ME3: variants seen among roughly 807,000 people sequenced by gnomAD.
ME3 encodes the protein malic enzyme 3.
A neutral mutation model predicts 68.9 loss-of-function variants in ME3; 48 were observed. The observed-to-expected ratio is 0.70, with a 90% confidence interval of 0.55 to 0.89. The LOEUF is 0.89. Ranked by LOEUF, ME3 falls within the 40% of genes least tolerant of loss-of-function variation. The probability of loss-of-function intolerance (pLI) is 0.00; values close to 1 mark genes in which losing one functional copy is unlikely to be tolerated. For synonymous variants in ME3, 320 were observed against 318.8 expected, an observed-to-expected ratio of 1.00 and a Z score of -0.04; for missense variants, 675 against 797.4, an observed-to-expected ratio of 0.85 and a Z score of 1.85.
At chr11:86,534,081 G>GTGTGTATATA (rs1361825219) in intron 4 of ME3, among the ~76,000 whole-genome samples, 64 of 127,498 alleles carry the variant, frequency 5.0e-4, no homozygotes, top group African/African-American at 1.9e-3. Flanking sequence ...GTGTGTGTGT[G>GTGTGTATATA]TATATATATA....
chr11:86,652,137 TG>T (rs1945483750), intron 2 of ME3, among the ~76,000 whole-genome samples: 1 of 152,174 alleles, frequency 6.6e-6, no homozygotes. Context: ...CTGAAAGTGA[TG>T]GGGAGAATGG....
chr11:86,600,484 C>G (rs1345349631), intron 2 of ME3, among the ~76,000 whole-genome samples: 1 of 151,196 alleles, frequency 6.6e-6, no homozygotes, highest in Non-Finnish European at 1.5e-5. Flanking sequence ...GAGACTTAGA[C>G]TCCCACACAA....
chr11:86,456,285 T>C (rs1949919273), intron 8 of ME3, among the ~76,000 whole-genome samples: 1 of 152,160 alleles, frequency 6.6e-6, no homozygotes, highest in Admixed American at 6.5e-5. Flanking sequence ...TGCCACCAGA[T>C]GGCGCCAAAG....
intron 4 of ME3, among the ~76,000 whole-genome samples, chr11:86,541,379 C>A (rs371126286): frequency 1.3e-5 from 2 of 152,216 alleles, no homozygotes; most frequent in Non-Finnish European, 2.9e-5. Flanking sequence ...CAGAGCCCAG[C>A]AAGCTAAGAT....
At chr11:86,637,290 T>C (rs1944390850) in intron 2 of ME3, among the ~76,000 whole-genome samples, 1 of 145,794 alleles carries the variant, frequency 6.9e-6, no homozygotes, top group Admixed American at 7.2e-5. Flanking sequence ...TCACGGTCCT[T>C]GGGAGATCCT....
chr11:86,540,035 G>T (rs1280224898), intron 4 of ME3, among the ~76,000 whole-genome samples: 1 of 152,192 alleles, frequency 6.6e-6, no homozygotes, highest in Non-Finnish European at 1.5e-5. Flanking sequence ...AAATGACTCA[G>T]TATGGCAGAT....
At position 86,540,436 on chromosome 11, in the gene ME3, C is replaced by T. The variant is rs117624190; in HGVS notation, c.467+16117G>A. On this transcript the variant is annotated intron_variant, in intron 4 of 14. Transcript: ENST00000543262. ...TGGGTCTCTTCTTTGGCCTCTTGAA[C>T]CTGGTGCCACCCCCAGTGGAGTGGA... Among the ~76,000 whole-genome samples, 263 of 152,234 alleles carry T rather than the reference C, an allele frequency of 1.7e-3. 3 individuals carry two copies. The highest frequency in any genetic ancestry group is 2.6e-3 in the Admixed American group (40 of 15,288).
chr11:86,635,739 T>G (rs1944295130), intron 2 of ME3, among the ~76,000 whole-genome samples: 1 of 152,200 alleles, frequency 6.6e-6, no homozygotes, highest in African/African-American at 2.4e-5. Context: ...GGAAATAACT[T>G]TTTTTCCTTT....
chr11:86,495,566 A>T (rs1443001026), intron 6 of ME3, among the ~76,000 whole-genome samples: 1 of 152,238 alleles, frequency 6.6e-6, no homozygotes, highest in East Asian at 1.9e-4. Context: ...GGAAAGGAAG[A>T]ATAAAACAAA....
intron 7 of ME3, among the ~76,000 whole-genome samples, chr11:86,467,299 C>A (rs145614481): frequency 5.8e-4 from 88 of 152,308 alleles, no homozygotes; most frequent in African/African-American, 2.1e-3. Context: ...GGCCACAATT[C>A]TTCTTCACAG....
intron 2 of ME3, among the ~76,000 whole-genome samples, chr11:86,591,846 T>C (rs2139669471): frequency 6.6e-6 from 1 of 152,204 alleles, no homozygotes; most frequent in African/African-American, 2.4e-5. Context: ...CTCCTGTGAC[T>C]CAATTACCTC....
In ME3 at chr11:86,617,045, G is replaced by GTTTTTTTTTTTTTT. The variant is rs563738961; in HGVS notation, c.183+54703_183+54716dup. 4.8e-4 allele frequency among the ~76,000 whole-genome samples: 27 copies of GTTTTTTTTTTTTTT among 56,320 alleles called. 8 individuals are homozygous for GTTTTTTTTTTTTTT. Among genetic ancestry groups the GTTTTTTTTTTTTTT allele is most frequent in the Non-Finnish European group, 5.9e-4 (19 of 32,060 alleles). The allele number at this position is 56,320 out of a possible 152,430, so 36.9% of individuals were successfully genotyped here. On this transcript the variant is annotated intron_variant, in intron 2 of 14. Transcript: ENST00000543262. ...ACATCTAAAATACTCCAAGATAGTAGTTTTTTTTTTTTTTTTTTTTTTTTT... is the reference window on the plus strand; with the variant it reads ...ACATCTAAAATACTCCAAGATAGTAGTTTTTTTTTTTTTTTTTTTTTTTTTTTTTTTTTTTTTTT...
chr11:86,651,133 A>T (rs1449500381), intron 2 of ME3, among the ~76,000 whole-genome samples: 2 of 152,218 alleles, frequency 1.3e-5, no homozygotes, highest in Non-Finnish European at 2.9e-5. Context: ...CAGCTCAAGG[A>T]GGCCTGCCTG....
intron 8 of ME3, chr11:86,457,801 G>A (rs1348060900): frequency 7.9e-6 from 10 of 1,258,530 alleles, no homozygotes; most frequent in Non-Finnish European, 9.3e-6. Context: ...TTTCCAGAGG[G>A]AGATTTCCAT....
rs146290957 is a variant in ME3 at position 86,626,085 on chromosome 11, C to T, written c.183+45677G>A. Among the ~76,000 whole-genome samples, 69 of 152,292 alleles carry T rather than the reference C, an allele frequency of 4.5e-4. 1 individual carries two copies. The East Asian group carries it at 0.012, about 26-fold the overall frequency. ...ATGACAGAGGGGACTGACTACATCA[C>T]GAAGTTCAGAGAAGGCTTCCTGTGC... On this transcript the variant is annotated intron_variant, in intron 2 of 14. Coordinates refer to ENST00000543262, the Ensembl canonical transcript of ME3.
At chr11:86,473,050 A>G (rs576443822) in intron 7 of ME3, among the ~76,000 whole-genome samples, 10 of 152,338 alleles carry the variant, frequency 6.6e-5, no homozygotes, top group African/African-American at 2.2e-4. Flanking sequence ...AGTTGAAGCC[A>G]TGGGATTGGG....
At chr11:86,460,756 C>T (rs1950188632) in intron 8 of ME3, among the ~76,000 whole-genome samples, 1 of 152,240 alleles carries the variant, frequency 6.6e-6, no homozygotes, top group Non-Finnish European at 1.5e-5. Context: ...ATGCTCCTCT[C>T]CCATTATGAG....
At chr11:86,619,695 C>T (rs959026000) in intron 2 of ME3, among the ~76,000 whole-genome samples, 4 of 152,342 alleles carry the variant, frequency 2.6e-5, no homozygotes, top group East Asian at 1.9e-4. Flanking sequence ...TCCCCAGCCA[C>T]GTGGAACTGT....
At chr11:86,534,783 G>A (rs750412800) in intron 4 of ME3, among the ~76,000 whole-genome samples, 1 of 152,170 alleles carries the variant, frequency 6.6e-6, no homozygotes, top group East Asian at 1.9e-4. Context: ...TACAAAGTGA[G>A]AATAGTTGAG....
Sources: gnomAD v4.1 joint callset for allele counts (sites outside exome capture counted in the v4.1 genomes callset) on GRCh38, gnomAD v4.1.1 for gene constraint, MANE v1.5 for transcripts, NCBI Gene and HGNC (gene_info 2026-07-23, HGNC 2026-07-21) for gene names.